NEDD4L: variants seen among roughly 807,000 people sequenced by gnomAD.
NEDD4L encodes the protein E3 ubiquitin-protein ligase NEDD4-like.
NEDD4L carries 54 observed loss-of-function variants against 148.9 expected under a neutral mutation model. The ratio of observed to expected loss-of-function variants is 0.36; its 90% CI spans 0.29 to 0.45. The LOEUF (loss-of-function observed/expected upper bound fraction) is 0.45, where lower values mean the gene tolerates loss of function less well. Among genes scored for constraint, NEDD4L ranks in the 20% least tolerant of loss-of-function variants. The pLI is 1.00. For synonymous variants in NEDD4L, 433 were observed against 440.7 expected (o/e 0.98, Z 0.22); for missense variants, 856 against 1,233.8 (o/e 0.69, Z 4.59).
intron 1 of NEDD4L, among the ~76,000 whole-genome samples, chr18:58,158,799 C>CT (rs2035832255): frequency 1.3e-5 from 2 of 152,134 alleles, no homozygotes; most frequent in Admixed American, 1.3e-4. Flanking sequence ...TGGTGGGCTG[C>CT]TTTCATTTCC....
At chr18:58,350,329 G>A (rs1055039356) in intron 17 of NEDD4L, among the ~76,000 whole-genome samples, 2 of 152,172 alleles carry the variant, frequency 1.3e-5, no homozygotes, top group African/African-American at 4.8e-5. Context: ...TTATTCATTA[G>A]GTTATACAGG....
chr18:58,075,123 T>C (rs944475770), intron 1 of NEDD4L, among the ~76,000 whole-genome samples: 11 of 152,202 alleles, frequency 7.2e-5, no homozygotes, highest in Admixed American at 2.6e-4. Flanking sequence ...TGATGGAGTT[T>C]TAGGACCAGA....
intron 1 of NEDD4L, among the ~76,000 whole-genome samples, chr18:58,116,611 TACAGTTCACCAGAGAAATA>T (rs2085859649): frequency 1.3e-5 from 2 of 152,214 alleles, no homozygotes; most frequent in Non-Finnish European, 1.5e-5. Flanking sequence ...GTCCAGTAAG[TACAGTTCACCAGAGAAATA>T]ACAAAAGCAT....
At chr18:58,264,321 C>G (rs984893578) in intron 5 of NEDD4L, among the ~76,000 whole-genome samples, 1 of 152,032 alleles carries the variant, frequency 6.6e-6, no homozygotes, top group Non-Finnish European at 1.5e-5. Context: ...ATTATATTAG[C>G]AAGAGAAGCT....
At chr18:58,302,689 T>C (rs767760879) in intron 5 of NEDD4L, among the ~76,000 whole-genome samples, 1 of 152,232 alleles carries the variant, frequency 6.6e-6, no homozygotes, top group Non-Finnish European at 1.5e-5. Context: ...CTGAGATATG[T>C]ACCAGTTTAT....
intron 19 of NEDD4L, chr18:58,357,480 C>T: frequency 2.9e-6 from 2 of 680,836 alleles, no homozygotes; most frequent in Non-Finnish European, 5.4e-6. Flanking sequence ...TTGATAACGA[C>T]AGCAGAATTA....
In NEDD4L at chr18:58,044,461, C is replaced by T. The variant is rs1251197927; in HGVS notation, c.-200C>T. On this transcript the variant is annotated 5_prime_UTR_variant, in exon 1 of 31. Transcript: ENST00000400345. Reference sequence around the variant, plus strand: ...CCCGCCCGCTGGTCCCGCAGCCTTCCGGGAGGAAGCGGTGCCGGCAGCGTC... The same window carrying T: ...CCCGCCCGCTGGTCCCGCAGCCTTCTGGGAGGAAGCGGTGCCGGCAGCGTC... 2 of 569,840 alleles carry T rather than the reference C, an allele frequency of 3.5e-6. No individual in the cohort carries two copies. The highest frequency in any genetic ancestry group is 3.9e-5 in the African/African-American group (2 of 50,824). The allele number at this position is 569,840 out of a possible 1,614,324, so 35.3% of individuals were successfully genotyped here.
intron 2 of NEDD4L, among the ~76,000 whole-genome samples, chr18:58,177,803 C>T (rs1330422272): frequency 6.6e-6 from 1 of 152,162 alleles, no homozygotes; most frequent in African/African-American, 2.4e-5. Flanking sequence ...TTGTCATCGA[C>T]TTTATAAAAT....
intron 5 of NEDD4L, among the ~76,000 whole-genome samples, chr18:58,295,878 G>C (rs1310986887): frequency 6.6e-6 from 1 of 152,112 alleles, no homozygotes; most frequent in Admixed American, 6.5e-5. Flanking sequence ...TTTATTTTTG[G>C]GGGGTGGTTA....
intron 5 of NEDD4L, among the ~76,000 whole-genome samples, chr18:58,299,052 G>A (rs950921586): frequency 6.6e-6 from 1 of 152,218 alleles, no homozygotes; most frequent in Non-Finnish European, 1.5e-5. Flanking sequence ...ACATACACAT[G>A]CGATAAGGCT....
At chr18:58,370,276 C>A in intron 22 of NEDD4L, 121 bp from the exon 23 acceptor site, 1 of 685,410 alleles carries the variant, frequency 1.5e-6, no homozygotes, top group South Asian at 1.8e-5. Flanking sequence ...TGTAGAAGGC[C>A]CTTGGTTACT....
chr18:58,112,596 C>G (rs937827879), intron 1 of NEDD4L, among the ~76,000 whole-genome samples: 1 of 152,054 alleles, frequency 6.6e-6, no homozygotes, highest in South Asian at 2.1e-4. Context: ...TCAAGTGATT[C>G]TCTTGCCTCT....
chr18:58,155,240 A>T (rs2035323144), intron 1 of NEDD4L, among the ~76,000 whole-genome samples: 1 of 150,044 alleles, frequency 6.7e-6, no homozygotes, highest in Non-Finnish European at 1.5e-5. Context: ...GTACCCACCC[A>T]CATAGTAATT....
chr18:58,234,049 C>CTT (rs1267305954), intron 2 of NEDD4L, among the ~76,000 whole-genome samples: 6 of 67,190 alleles, frequency 8.9e-5, no homozygotes, highest in African/African-American at 3.6e-4. Context: ...CTTTCCTTTT[C>CTT]TTTCTTTCTT....
chr18:58,200,280 C>T (rs138062445), intron 2 of NEDD4L, among the ~76,000 whole-genome samples: 44 of 152,276 alleles, frequency 2.9e-4, no homozygotes, highest in Non-Finnish European at 4.0e-4. Flanking sequence ...AAAGACTAGA[C>T]AGAATTTACA....
chr18:58,074,341 C>A (rs1467398498), intron 1 of NEDD4L, among the ~76,000 whole-genome samples: 2 of 151,396 alleles, frequency 1.3e-5, no homozygotes, highest in Non-Finnish European at 2.9e-5. Flanking sequence ...TCACTGCAAC[C>A]TCTGCCTCCC....
At chr18:58,310,980 A>G (rs1470686552) in intron 5 of NEDD4L, among the ~76,000 whole-genome samples, 1 of 151,668 alleles carries the variant, frequency 6.6e-6, no homozygotes, top group East Asian at 1.9e-4. Flanking sequence ...AATTCTCTAC[A>G]ATTCCCTTCC....
At chr18:58,265,341 A>G (rs910287209) in intron 5 of NEDD4L, among the ~76,000 whole-genome samples, 1 of 151,968 alleles carries the variant, frequency 6.6e-6, no homozygotes, top group African/African-American at 2.4e-5. Flanking sequence ...TCTCTTTTCC[A>G]TCAAATGTGG....
chr18:58,265,743 T>G (rs1275789498), intron 5 of NEDD4L, among the ~76,000 whole-genome samples: 2 of 152,028 alleles, frequency 1.3e-5, no homozygotes, highest in Admixed American at 1.3e-4. Context: ...TTTTAGTTTT[T>G]GTAGAGATGG....
Sources: gnomAD v4.1 joint callset for allele counts (sites outside exome capture counted in the v4.1 genomes callset) on GRCh38, gnomAD v4.1.1 for gene constraint, MANE v1.5 for transcripts, NCBI Gene and HGNC (gene_info 2026-07-23, HGNC 2026-07-21) for gene names.